Variants in ACER3 observed in about 807,000 individuals in gnomAD.
ACER3 encodes alkCDase 3.
A neutral mutation model predicts 48.9 loss-of-function variants in ACER3; 16 were observed. That is an observed-to-expected ratio of 0.33 (90% confidence interval 0.22 to 0.50). ACER3 has a LOEUF of 0.50. Ranked by LOEUF, ACER3 falls within the 20% of genes least tolerant of loss-of-function variation. The pLI is 0.98. For missense variants in ACER3, 227 were observed against 326.0 expected, an observed-to-expected ratio of 0.70 and a Z score of 2.34; for synonymous variants, 109 against 107.8, an observed-to-expected ratio of 1.01 and a Z score of -0.07.
intron 2 of ACER3, among the ~76,000 whole-genome samples, chr11:76,933,325 C>T (rs1463071963): frequency 4.6e-4 from 62 of 135,742 alleles, no homozygotes; most frequent in African/African-American, 1.4e-3. Context: ...GGGTGTTTCT[C>T]GCAGAGGGGG....
chr11:76,950,281 GTA>G (rs1163721804), intron 2 of ACER3, among the ~76,000 whole-genome samples: 1 of 83,430 alleles, frequency 1.2e-5, no homozygotes. Flanking sequence ...ATAAGCCGGA[GTA>G]GAGTCTAAAG....
chr11:76,920,057 T>C (rs1946646078), intron 1 of ACER3, among the ~76,000 whole-genome samples: 2 of 152,160 alleles, frequency 1.3e-5, no homozygotes, highest in African/African-American at 2.4e-5. Context: ...CAGAGAGACA[T>C]TGCAAGAGGA....
At chr11:76,891,328 G>A (rs12792893) in intron 1 of ACER3, among the ~76,000 whole-genome samples, 9,573 of 150,994 alleles carry the variant, frequency 0.063, 344 homozygotes, top group Middle Eastern at 0.12. Context: ...ATAGTCTTTT[G>A]TTGTAATGTT....
At chr11:77,007,058 G>A (rs1949166026) in intron 7 of ACER3, among the ~76,000 whole-genome samples, 1 of 151,306 alleles carries the variant, frequency 6.6e-6, no homozygotes, top group Admixed American at 6.6e-5. Context: ...GCTGCAGTGA[G>A]CTAGGATTGT....
chr11:77,002,943 A>C lies in ACER3; in HGVS notation c.497+4122A>C, dbSNP rs564746433. On this transcript the variant is annotated intron_variant, in intron 7 of 10. Transcript: ENST00000532485. ...TGGTGATCAGGGCCTGGTGGGGAGT[A>C]GGATGAGGGGGTTCCCTGGGGAAGG... Among the ~76,000 whole-genome samples, 6 of 152,246 alleles carry C rather than the reference A, an allele frequency of 3.9e-5. No individual in the cohort carries two copies. In the East Asian group the frequency reaches 1.2e-3, roughly 29 times the overall value.
chr11:77,008,893 C>T (rs533942768), intron 7 of ACER3, among the ~76,000 whole-genome samples: 1 of 152,078 alleles, frequency 6.6e-6, no homozygotes, highest in African/African-American at 2.4e-5. Flanking sequence ...CTAGTCTATA[C>T]AAAAAGAAAT....
rs1178710921 is a variant in ACER3, at chr11:77,026,525, C to T, written c.*6198C>T. On this transcript the variant is annotated 3_prime_UTR_variant, in exon 11 of 11. Coordinates refer to ENST00000532485, the MANE Select transcript of ACER3 (RefSeq NM_018367.7). ...AACTGTTCAAGCTAATACAGCATTT[C>T]CTAACTTCATAGTTGTCGCAGATGT... 2.6e-5 allele frequency: 4 copies of T among 152,190 alleles called. No individual in the cohort carries two copies. Among genetic ancestry groups the T allele is most frequent in the Admixed American group, 2.6e-4 (4 of 15,284 alleles). 9.4% of individuals were successfully genotyped at this position (152,190 alleles called of 1,614,324 possible).
chr11:76,961,127 A>G (rs1947984070), intron 3 of ACER3, among the ~76,000 whole-genome samples: 1 of 152,212 alleles, frequency 6.6e-6, no homozygotes, highest in Admixed American at 6.5e-5. Context: ...AATGGAAGCC[A>G]TGTTGCATAC....
chr11:76,924,973 CAAAAAAA>C (rs57093609), intron 1 of ACER3, among the ~76,000 whole-genome samples: 1 of 78,594 alleles, frequency 1.3e-5, no homozygotes, highest in South Asian at 6.8e-4. Context: ...AAGACTCTGT[CAAAAAAA>C]AAAAAAAAAA....
At chr11:76,986,139 CT>C (rs1424447095) in intron 5 of ACER3, among the ~76,000 whole-genome samples, 4 of 152,086 alleles carry the variant, frequency 2.6e-5, no homozygotes, top group Non-Finnish European at 5.9e-5. Context: ...TACATTAATG[CT>C]TTTTTTCTCA....
chr11:77,019,240 C>T (rs1241767448), intron 9 of ACER3, among the ~76,000 whole-genome samples: 2 of 152,176 alleles, frequency 1.3e-5, no homozygotes, highest in African/African-American at 4.8e-5. Flanking sequence ...GCGGGTGGAT[C>T]ACAAGGTCTG....
chr11:76,969,089 A>C (rs1287339191), intron 3 of ACER3, among the ~76,000 whole-genome samples: 1 of 152,096 alleles, frequency 6.6e-6, no homozygotes, highest in East Asian at 1.9e-4. Flanking sequence ...ACTCAAACAA[A>C]TTTACAAGAA....
intron 1 of ACER3, among the ~76,000 whole-genome samples, chr11:76,885,886 A>T (rs1489449667): frequency 6.6e-6 from 1 of 152,226 alleles, no homozygotes; most frequent in African/African-American, 2.4e-5. Context: ...AAAGCGTAAA[A>T]TACAGAAGCC....
intron 3 of ACER3, 73 bp downstream of exon 3, chr11:76,959,104 C>T (rs1947918203): frequency 2.5e-6 from 4 of 1,607,936 alleles, no homozygotes; most frequent in Admixed American, 1.7e-5. Flanking sequence ...GAAAAGAGCA[C>T]ATAACTATGG....
At chr11:76,962,461 C>T (rs1190521883) in intron 3 of ACER3, among the ~76,000 whole-genome samples, 1 of 151,146 alleles carries the variant, frequency 6.6e-6, no homozygotes, top group African/African-American at 2.5e-5. Context: ...CTCAGATGAT[C>T]CACCCACCTG....
chr11:76,903,464 G>A (rs1440805904), intron 1 of ACER3, among the ~76,000 whole-genome samples: 9 of 20,092 alleles, frequency 4.5e-4, no homozygotes, highest in Non-Finnish European at 8.5e-4. Context: ...CCCGCCCCCG[G>A]CCCACACACA....
chr11:76,948,242 T>C (rs1947531432), intron 2 of ACER3, among the ~76,000 whole-genome samples: 2 of 151,328 alleles, frequency 1.3e-5, no homozygotes, highest in South Asian at 4.2e-4. Flanking sequence ...TGTGTGTGTG[T>C]GTGTGTGTGT....
chr11:76,870,829 A>G (rs569240773), intron 1 of ACER3, among the ~76,000 whole-genome samples: 22 of 152,384 alleles, frequency 1.4e-4, no homozygotes, highest in African/African-American at 5.0e-4. Flanking sequence ...ATGCATTGAT[A>G]TAAAACAAAA....
intron 1 of ACER3, among the ~76,000 whole-genome samples, chr11:76,874,412 A>AC (rs1945316753): frequency 6.6e-6 from 1 of 151,742 alleles, no homozygotes; most frequent in Non-Finnish European, 1.5e-5. Flanking sequence ...TTAAAAAAAA[A>AC]AAACAAAACT....
Sources: gnomAD v4.1 joint callset for allele counts (sites outside exome capture counted in the v4.1 genomes callset) on GRCh38, gnomAD v4.1.1 for gene constraint, MANE v1.5 for transcripts, NCBI Gene and HGNC (gene_info 2026-07-23, HGNC 2026-07-21) for gene names.